SMTN: variants seen among roughly 807,000 people sequenced by gnomAD.
The protein encoded by SMTN is smoothelin.
In SMTN, 58 loss-of-function variants were observed where a neutral mutation model predicts 102.0. The ratio of observed to expected loss-of-function variants is 0.57; its 90% confidence interval spans 0.46 to 0.71. The LOEUF is 0.71. SMTN is among the 30% of genes least tolerant of loss of function. The pLI, the probability that SMTN is intolerant of heterozygous loss-of-function variation, is 0.00. For missense variants in SMTN, 1,185 were observed against 1,241.7 expected, an observed-to-expected ratio of 0.95 and a Z score of 0.69; for synonymous variants, 478 against 497.9, an observed-to-expected ratio of 0.96 and a Z score of 0.53.
chr22:31,095,858 A>T lies in SMTN; in HGVS notation c.1861+249A>T, dbSNP rs2043545883. ...CTTCTCTTCTCCTTCCTAGACCCAG[A>T]TACTCCCTCCCGCAGCTACTCTCTC... is the stretch of plus-strand genomic sequence containing the variant. On this transcript the variant is annotated intron_variant, in intron 13 of 20. Transcript: ENST00000333137. The surrounding 1 kb of genome is among the most constrained non-coding windows in gnomAD (Gnocchi z 4.1). 1 of 561,326 alleles carries T rather than the reference A, an allele frequency of 1.8e-6. No individual in the cohort carries two copies. Among genetic ancestry groups the T allele is most frequent in the Non-Finnish European group, 3.2e-6 (1 of 315,998 alleles). 34.8% of individuals were successfully genotyped at this position (561,326 alleles called of 1,614,324 possible). A position where few individuals can be genotyped will look rare whatever the true frequency, so the allele number is the denominator to read the frequency against.
rs1453818235 is a variant in SMTN, at chr22:31,091,813, C to T, written c.1598C>T (p.Ala533Val). 2.5e-6 allele frequency: 4 copies of T among 1,590,706 alleles called. No individual in the cohort carries two copies. The highest frequency in any genetic ancestry group is 3.4e-6 in the Non-Finnish European group (4 of 1,166,756). Residue 533 changes from alanine (A) to valine (V), a missense_variant, in exon 11 of 21, where the codon GCC becomes GTC. By Grantham distance (64) the Ala-to-Val change is moderately conservative (BLOSUM62 0). This residue lies in a region of SMTN where 1,096 missense variants were observed against 1,112.7 expected (regional missense o/e 0.98). Transcript: ENST00000333137. ...ACTCATGTCACCAGCTTCAGCCATG[C>T]CCCCCCCAGTAGCCGAGGAGGCTGC... ...SVTHVTSFSHAPPSSRGGCSI... is the reference protein window; with the variant it reads ...SVTHVTSFSHVPPSSRGGCSI...
chr22:31,099,019 C>A (rs775276026), intron 17 of SMTN, 43 bp from the exon 18 acceptor site: 4 of 1,577,798 alleles, frequency 2.5e-6, no homozygotes, highest in Non-Finnish European at 3.5e-6. Context: ...CCGAGGCATG[C>A]CCCTTATAGT....
At chr22:31,082,847 G>C (rs1324034676) in intron 1 of SMTN, 3 of 1,522,876 alleles carry the variant, frequency 2.0e-6, no homozygotes, top group Admixed American at 4.1e-5. Flanking sequence ...GGTAAGCACA[G>C]CTTGGGTGGG....
At chr22:31,077,640 G>A (rs1192256464), upstream of SMTN, among the ~76,000 whole-genome samples, 3 of 152,122 alleles carry the variant, frequency 2.0e-5, no homozygotes, top group Non-Finnish European at 4.4e-5. Context: ...AGTCTAAAGA[G>A]GTCCAGGCTG....
In SMTN at chr22:31,088,606, G is replaced by C. The variant is rs747620651; in HGVS notation, c.294G>C (p.Leu98=). 9 of 1,613,770 alleles carry C rather than the reference G, an allele frequency of 5.6e-6. No individual in the cohort carries two copies. In the Admixed American group the frequency reaches 1.5e-4, roughly 27 times the overall value. ...SMNDVEELTA[L]LRSAGEYEER... Reference sequence around the variant, plus strand: ...ACGATGTGGAGGAATTGACTGCACTGGTGAGGCCCAGGCTGGGGCAGGGGA... The same window carrying C: ...ACGATGTGGAGGAATTGACTGCACTCGTGAGGCCCAGGCTGGGGCAGGGGA... The change falls in exon 4 of 21, where the codon CTG becomes CTC. Residue 98 remains leucine, a splice_region_variant and synonymous_variant. Transcript: ENST00000333137.
chr22:31,091,276 G>T lies in SMTN; in HGVS notation c.1253G>T (p.Gly418Val), dbSNP rs1407857381. The T allele has an allele frequency of 2.5e-6, 4 of 1,598,116 alleles. No individual in the cohort carries two copies. The Middle Eastern group carries it at 6.6e-4, about 265-fold the overall frequency. ...RSCPQEEGPR[G>V]RGLAARPLEN... is the part of the protein sequence containing the mutation. Reference sequence around the variant, plus strand: ...TGCCCCCAGGAGGAGGGCCCCAGGGGGCGGGGCTTGGCTGCTAGGCCCCTT... The same window carrying T: ...TGCCCCCAGGAGGAGGGCCCCAGGGTGCGGGGCTTGGCTGCTAGGCCCCTT... Residue 418 changes from glycine (G) to valine (V), a missense_variant, in exon 10 of 21, where the codon GGG becomes GTG. This residue lies in a region of SMTN where 1,096 missense variants were observed against 1,112.7 expected (regional missense o/e 0.98). Coordinates refer to ENST00000333137, the MANE Select transcript of SMTN (RefSeq NM_134269.3).
chr22:31,066,299 A>ATATTT (rs1256634873), intron 1 of SMTN: 3 of 151,696 alleles, frequency 2.0e-5, no homozygotes, highest in Middle Eastern at 3.4e-3. Flanking sequence ...ACCCCATAGA[A>ATATTT]TATTTTATTT....
chr22:31,086,081 G>A (rs2042679457), intron 2 of SMTN, among the ~76,000 whole-genome samples: 1 of 152,238 alleles, frequency 6.6e-6, no homozygotes, highest in Non-Finnish European at 1.5e-5. Flanking sequence ...ATGTACCACA[G>A]AAGGCTCTAG....
intron 8 of SMTN, 69 bp from the exon 9 acceptor site, chr22:31,090,739 G>A: frequency 8.1e-7 from 1 of 1,239,076 alleles, no homozygotes; most frequent in Non-Finnish European, 1.2e-6. Flanking sequence ...ATTATGAAAG[G>A]TGGACACCCA....
upstream of SMTN, among the ~76,000 whole-genome samples, chr22:31,078,996 A>G (rs116416395): frequency 3.0e-3 from 464 of 152,340 alleles, 3 homozygotes; most frequent in African/African-American, 0.011. Flanking sequence ...AAGGGGCTTC[A>G]GCATCAGGCA....
chr22:31,097,035 G>A lies in SMTN; in HGVS notation c.2064G>A (p.Glu688=). Residue 688 remains glutamate, a synonymous_variant, in exon 15 of 21, where the codon GAG becomes GAA. Transcript: ENST00000333137. The part of the protein sequence containing the change: ...GTRTARTTTV[E]SSFVRRSENG... ...GGACGGCCCGCACCACCACAGTGGA[G>A]TCGAGTTTCGTGAGGCGCTCGGAGA... 1 of 1,614,196 alleles carries A rather than the reference G, an allele frequency of 6.2e-7. No homozygotes were observed. The highest frequency in any genetic ancestry group is 8.5e-7 in the Non-Finnish European group (1 of 1,180,030).
Position 31,089,998 on chromosome 22 carries a change from T to A in SMTN, c.771T>A (p.Thr257=). 1 of 1,605,326 alleles carries A rather than the reference T, an allele frequency of 6.2e-7. No individual in the cohort carries two copies. The highest frequency in any genetic ancestry group is 8.5e-7 in the Non-Finnish European group (1 of 1,175,374). The change falls in exon 7 of 21, where the codon ACT becomes ACA. Residue 257 remains threonine (T), a synonymous_variant. Coordinates refer to ENST00000333137, the MANE Select transcript of SMTN (RefSeq NM_134269.3). The part of the protein sequence containing the change: ...EPQESPTLPS[T]EGQVVNKLLS... ...AGGAGTCTCCAACGCTCCCCAGCAC[T>A]GAGGGCCAGGTGGTCAACAAGGTGA...
chr22:31,096,516 G>T, intron 13 of SMTN: 1 of 471,768 alleles, frequency 2.1e-6, no homozygotes, highest in South Asian at 5.0e-5. Context: ...TCTAGTTTCT[G>T]CCTGAGTCCA....
At position 31,083,215 on chromosome 22, in the gene SMTN, G is replaced by A. The variant is rs1304957824; in HGVS notation, c.-44G>A. 3.8e-6 allele frequency: 6 copies of A among 1,591,560 alleles called. No homozygotes were observed. The highest frequency in any genetic ancestry group is 1.7e-4 in the Middle Eastern group (1 of 5,832). ...CTGGTGACAGGTGCCACAGGCACTG[G>A]GGATCTCACCAGAAAGGAACCGACG... On this transcript the variant is annotated 5_prime_UTR_variant, in exon 2 of 21. Coordinates refer to ENST00000333137, the MANE Select transcript of SMTN (RefSeq NM_134269.3).
At chr22:31,083,544 C>G in intron 2 of SMTN, 1 of 493,498 alleles carries the variant, frequency 2.0e-6, no homozygotes, top group Non-Finnish European at 3.6e-6. Context: ...CAGCCACCAC[C>G]TGTTTAAACA....
Position 31,104,581 on chromosome 22 carries a change from C to CCA in SMTN, c.*286_*287insCA. The CCA allele has an allele frequency of 2.0e-6, 2 of 991,606 alleles. No individual in the cohort carries two copies. The highest frequency in any genetic ancestry group is 1.5e-6 in the Non-Finnish European group (1 of 651,142). The allele number at this position is 991,606 out of a possible 1,614,324, so 61.4% of individuals were successfully genotyped here. On this transcript the variant is annotated 3_prime_UTR_variant, in exon 21 of 21. Transcript: ENST00000333137. Reference sequence around the variant, plus strand: ...CTGTCTGTTGCGACACCCTCCCCCCCACATACACACGCAGCGTTTTGATAA... The same window carrying CCA: ...CTGTCTGTTGCGACACCCTCCCCCCCCAACATACACACGCAGCGTTTTGATAA...
chr22:31,088,123 G>A lies in SMTN; in HGVS notation c.200+10G>A, dbSNP rs200190296. On this transcript the variant is annotated intron_variant, in intron 3 of 20. Coordinates refer to ENST00000333137, the MANE Select transcript of SMTN (RefSeq NM_134269.3). ...AGGAGAACTGGCTGCAGTGAGTAGC[G>A]GGGGGTGGAACATGCGGGTGAGAAG... The A allele has an allele frequency of 3.2e-4, 506 of 1,585,666 alleles. 1 individual carries two copies. The highest frequency in any genetic ancestry group is 6.6e-5 in the Non-Finnish European group (77 of 1,161,406).
intron 19 of SMTN, among the ~76,000 whole-genome samples, 166 bp downstream of exon 19, chr22:31,100,062 C>T (rs1288357533): frequency 6.6e-6 from 1 of 152,084 alleles, no homozygotes; most frequent in African/African-American, 2.4e-5. Flanking sequence ...TCCCCACCCC[C>T]CCGCTGCTGA....
Position 31,099,135 on chromosome 22 carries a change from C to T in SMTN, c.2407C>T (p.Gln803Ter), listed in dbSNP as rs1213043742. Residue 803 changes from glutamine (Q) to a stop codon, truncating the protein, a stop_gained, in exon 18 of 21, where the codon CAG becomes TAG. Coordinates refer to ENST00000333137, the MANE Select transcript of SMTN (RefSeq NM_134269.3). LOFTEE classifies it high-confidence loss of function. ...FGVPNANSIK[Q>*]MLLDWCRAKT... is the part of the protein sequence containing the mutation. ...GGTCCCCAACGCCAACAGCATCAAG[C>T]AGATGCTGCTGGACTGGTGTCGAGC... The T allele has an allele frequency of 6.2e-6, 10 of 1,613,158 alleles. No homozygotes were observed. The highest frequency in any genetic ancestry group is 1.7e-5 in the Admixed American group (1 of 59,998).
Sources: gnomAD v4.1 joint callset for allele counts (sites outside exome capture counted in the v4.1 genomes callset) on GRCh38, gnomAD v4.1.1 for gene constraint, gnomAD v4.1.1 regional missense constraint, Gnocchi (gnomAD v3.1) non-coding constraint, MANE v1.5 for transcripts, NCBI Gene and HGNC (gene_info 2026-07-23, HGNC 2026-07-21) for gene names.